Variants in LOC128092252 observed in about 807,000 individuals in gnomAD.
the LOC128092252 span, among the ~76,000 whole-genome samples, chr15:50,686,366 G>C: frequency 1.2e-4 from 19 of 152,300 alleles, no homozygotes; most frequent in South Asian, 3.9e-3. Context: ...ACCCCAGAAC[G>C]AACTGCACAC....
At chr15:50,653,671 G>A in the LOC128092252 span, among the ~76,000 whole-genome samples, 2 of 152,070 alleles carry the variant, frequency 1.3e-5, no homozygotes, top group East Asian at 3.9e-4. Context: ...GGCCAAGCAA[G>A]GAAGTAGAGA....
At chr15:50,657,863 C>T in the LOC128092252 span, 9 of 1,538,942 alleles carry the variant, frequency 5.8e-6, no homozygotes, top group African/African-American at 9.7e-5. Flanking sequence ...AGGTGAAAAA[C>T]TTTCTGATTT....
chr15:50,650,652 G>A, the LOC128092252 span, among the ~76,000 whole-genome samples: 4 of 151,906 alleles, frequency 2.6e-5, no homozygotes, highest in Non-Finnish European at 1.5e-5. Flanking sequence ...CCGAGATCGT[G>A]CCACTGCACT....
chr15:50,673,812 C>G, the LOC128092252 span, among the ~76,000 whole-genome samples: 1 of 152,156 alleles, frequency 6.6e-6, no homozygotes, highest in African/African-American at 2.4e-5. Context: ...ACTGCTGTAT[C>G]AAATGGTATC....
At chr15:50,654,833 T>TAAA in the LOC128092252 span, among the ~76,000 whole-genome samples, 4 of 147,210 alleles carry the variant, frequency 2.7e-5, no homozygotes, top group Admixed American at 6.8e-5. Flanking sequence ...CCATCTCTAC[T>TAAA]AAAAAAAACC....
chr15:50,652,328 C>CAA, the LOC128092252 span, among the ~76,000 whole-genome samples: 63 of 34,230 alleles, frequency 1.8e-3, 9 homozygotes, highest in African/African-American at 7.6e-3. Context: ...GACTCCATCT[C>CAA]AAAAAAAAAA....
chr15:50,676,254 T>C, the LOC128092252 span, among the ~76,000 whole-genome samples: 2 of 152,118 alleles, frequency 1.3e-5, no homozygotes, highest in African/African-American at 2.4e-5. Context: ...GGGGAAAAAA[T>C]TAAAGATTCC....
At chr15:50,649,960 C>T in the LOC128092252 span, among the ~76,000 whole-genome samples, 2 of 151,878 alleles carry the variant, frequency 1.3e-5, no homozygotes, top group Middle Eastern at 3.4e-3. Flanking sequence ...TTTGGGAGGC[C>T]GAGACGGGCA....
chr15:50,675,763 C>A, the LOC128092252 span, among the ~76,000 whole-genome samples: 2 of 152,136 alleles, frequency 1.3e-5, no homozygotes, highest in African/African-American at 4.8e-5. Context: ...TCTGAAAATT[C>A]CTAAATTTGT....
At chr15:50,680,187 T>C in the LOC128092252 span, among the ~76,000 whole-genome samples, 3 of 151,708 alleles carry the variant, frequency 2.0e-5, no homozygotes, top group Non-Finnish European at 4.4e-5. Flanking sequence ...GGAGCTGAGA[T>C]TGTGCCACTG....
At chr15:50,659,451 C>A in the LOC128092252 span, among the ~76,000 whole-genome samples, 3 of 152,032 alleles carry the variant, frequency 2.0e-5, no homozygotes, top group African/African-American at 7.2e-5. Flanking sequence ...AAGTTATGAA[C>A]CAAGTGTCAA....
chr15:50,651,068 T>C, the LOC128092252 span, among the ~76,000 whole-genome samples: 2 of 152,020 alleles, frequency 1.3e-5, no homozygotes, highest in South Asian at 4.1e-4. Context: ...ACGCCTGTAG[T>C]CCAAGCTACT....
chr15:50,680,870 C>T, the LOC128092252 span, among the ~76,000 whole-genome samples: 13 of 152,066 alleles, frequency 8.5e-5, no homozygotes, highest in Non-Finnish European at 1.8e-4. Context: ...GCCTTGTGAC[C>T]GTTGGCAAGT....
the LOC128092252 span, among the ~76,000 whole-genome samples, chr15:50,650,232 T>G: frequency 7.1e-6 from 1 of 140,458 alleles, no homozygotes; most frequent in East Asian, 2.1e-4. Flanking sequence ...GAATAACTAC[T>G]TAAGGCAAAG....
chr15:50,655,726 A>G, the LOC128092252 span, among the ~76,000 whole-genome samples: 1 of 152,210 alleles, frequency 6.6e-6, no homozygotes, highest in South Asian at 2.1e-4. Flanking sequence ...GGCTGGGCGC[A>G]ACAGCTCACG....
the LOC128092252 span, among the ~76,000 whole-genome samples, chr15:50,672,977 GT>G: frequency 2.0e-5 from 3 of 148,704 alleles, no homozygotes; most frequent in Admixed American, 1.3e-4. Flanking sequence ...TGTACAATGT[GT>G]TTTATACGAA....
chr15:50,673,074 T>C, the LOC128092252 span, among the ~76,000 whole-genome samples: 1 of 145,384 alleles, frequency 6.9e-6, no homozygotes, highest in Non-Finnish European at 1.5e-5. Context: ...TAATTTATTA[T>C]TGAATAAAAA....
At chr15:50,675,844 T>C in the LOC128092252 span, among the ~76,000 whole-genome samples, 1 of 152,206 alleles carries the variant, frequency 6.6e-6, no homozygotes, top group African/African-American at 2.4e-5. Context: ...TAAAGATCAG[T>C]TGGTGATCTT....
chr15:50,654,455 A>T, the LOC128092252 span, among the ~76,000 whole-genome samples: 3 of 151,366 alleles, frequency 2.0e-5, no homozygotes, highest in African/African-American at 7.3e-5. Flanking sequence ...TCAAAAAAAT[A>T]AAAAAATACT....
Sources: allele counts gnomAD v4.1 joint callset (sites outside exome capture counted in the v4.1 genomes callset), GRCh38; gene constraint gnomAD v4.1.1; transcripts MANE v1.5.